Variants in MED12L observed in about 807,000 individuals in gnomAD.
The protein encoded by MED12L is mediator of RNA polymerase II transcription subunit 12-like protein.
MED12L carries 60 observed loss-of-function variants against 281.3 expected under a neutral mutation model. That is an observed-to-expected ratio of 0.21 (90% confidence interval 0.17 to 0.26). The LOEUF is 0.26. Among genes scored for constraint, MED12L ranks in the 10% least tolerant of loss-of-function variants. The pLI, the probability that MED12L is intolerant of heterozygous loss-of-function variation, is 1.00. For missense variants in MED12L, 2,146 were observed against 2,680.9 expected (o/e 0.80, Z 4.41); for synonymous variants, 974 against 987.2 (o/e 0.99, Z 0.25).
chr3:151,253,459 C>T (rs953581540), intron 16 of MED12L, among the ~76,000 whole-genome samples: 6 of 152,158 alleles, frequency 3.9e-5, no homozygotes, highest in African/African-American at 7.2e-5. Context: ...TTTGTTGGGC[C>T]GTTTCCTAAG....
At chr3:151,214,580 T>C (rs1173344467) in intron 16 of MED12L, among the ~76,000 whole-genome samples, 8 of 135,080 alleles carry the variant, frequency 5.9e-5, no homozygotes, top group African/African-American at 1.9e-4. Context: ...CCCCCACTCC[T>C]TTCTTCCTTC....
chr3:151,141,129 A>C (rs1358564809), intron 5 of MED12L, among the ~76,000 whole-genome samples: 2 of 146,774 alleles, frequency 1.4e-5, no homozygotes. Context: ...GGCCTCCCAC[A>C]GTGCTGGGAT....
At chr3:151,246,198 A>T (rs1316895720) in intron 16 of MED12L, among the ~76,000 whole-genome samples, 1 of 152,222 alleles carries the variant, frequency 6.6e-6, no homozygotes, top group African/African-American at 2.4e-5. Flanking sequence ...ATACTGCTCA[A>T]GGTAATTTAT....
At chr3:151,294,956 C>T (rs868831667) in intron 16 of MED12L, 4 of 1,613,960 alleles carry the variant, frequency 2.5e-6, no homozygotes, top group South Asian at 1.1e-5. Flanking sequence ...ATGGACTATT[C>T]GAAATGGAAA....
intron 2 of MED12L, among the ~76,000 whole-genome samples, chr3:151,100,762 A>G (rs1721290891): frequency 6.6e-6 from 1 of 152,142 alleles, no homozygotes; most frequent in Non-Finnish European, 1.5e-5. Flanking sequence ...CATTTCTACT[A>G]CTCACTTGAA....
At chr3:151,307,546 TGTGTG>T (rs1746856109) in intron 16 of MED12L, among the ~76,000 whole-genome samples, 1 of 39,708 alleles carries the variant, frequency 2.5e-5, no homozygotes, top group Non-Finnish European at 3.9e-5. Context: ...TGTGTGTGTG[TGTGTG>T]TGTGTGTGTG....
At chr3:151,358,898 C>G (rs1754270367) in intron 20 of MED12L, among the ~76,000 whole-genome samples, 1 of 152,106 alleles carries the variant, frequency 6.6e-6, no homozygotes, top group Non-Finnish European at 1.5e-5. Context: ...ACTTTAGTCA[C>G]AAAATAATTT....
intron 43 of MED12L, among the ~76,000 whole-genome samples, chr3:151,427,791 T>G (rs1329297413): frequency 6.6e-6 from 1 of 152,218 alleles, no homozygotes; most frequent in Admixed American, 6.5e-5. Context: ...ATAAGTTTTG[T>G]TGATCTATTG....
rs146811566 is a variant in MED12L, at chr3:151,213,409, C to G, written c.2250+19743C>G. The G allele has an allele frequency of 1.2e-4, 188 of 1,614,032 alleles. 1 individual carries two copies. The East Asian group carries it at 4.1e-3, about 35-fold the overall frequency. Reference sequence around the variant, plus strand: ...GTGCAATTTCTTACATAAGATTTCCCTAAACGGCTGGCATAGAAAGAAATA... The same window carrying G: ...GTGCAATTTCTTACATAAGATTTCCGTAAACGGCTGGCATAGAAAGAAATA... On this transcript the variant is annotated intron_variant, in intron 16 of 44. Transcript: ENST00000687756.
intron 16 of MED12L, among the ~76,000 whole-genome samples, chr3:151,220,768 G>A (rs1405207719): frequency 6.6e-6 from 1 of 152,176 alleles, no homozygotes; most frequent in African/African-American, 2.4e-5. Context: ...TTTGTAAACT[G>A]TCCTGTTTCT....
chr3:151,281,325 A>C (rs1742779530), intron 16 of MED12L, among the ~76,000 whole-genome samples: 1 of 150,902 alleles, frequency 6.6e-6, no homozygotes, highest in South Asian at 2.1e-4. Context: ...CAGGAGAATC[A>C]CTCGAACCCG....
intron 16 of MED12L, among the ~76,000 whole-genome samples, chr3:151,194,415 G>A (rs768314111): frequency 1.3e-5 from 2 of 152,140 alleles, no homozygotes; most frequent in Non-Finnish European, 2.9e-5. Flanking sequence ...GGAAAGACAG[G>A]AGACAAACAT....
At chr3:151,281,738 T>G (rs552709858) in intron 16 of MED12L, among the ~76,000 whole-genome samples, 2 of 152,308 alleles carry the variant, frequency 1.3e-5, no homozygotes, top group Admixed American at 6.5e-5. Flanking sequence ...AACCCTGATA[T>G]GACAACCACC....
rs1390638112 is a variant in MED12L at position 151,137,174 on chromosome 3, A to ACAAAAAAACAAAAAAAAAAG, written c.556+9190_556+9191insCAAAAAAACAAAAAAAAAAG. Among the ~76,000 whole-genome samples, 195 of 114,842 alleles carry ACAAAAAAACAAAAAAAAAAG rather than the reference A, an allele frequency of 1.7e-3. 1 individual carries two copies. Among genetic ancestry groups the ACAAAAAAACAAAAAAAAAAG allele is most frequent in the African/African-American group, 5.2e-3 (187 of 36,080 alleles). 75.3% of individuals were successfully genotyped at this position (114,842 alleles called of 152,430 possible). ...AGACTCCGTCTCAAAAAAAAAAAGA[A>ACAAAAAAACAAAAAAAAAAG]AAAAAAAAAAAAGAACGAAAAAAAG... On this transcript the variant is annotated intron_variant, in intron 5 of 44. Transcript: ENST00000687756.
intron 16 of MED12L, among the ~76,000 whole-genome samples, chr3:151,201,282 A>G (rs1449848210): frequency 6.6e-6 from 1 of 152,070 alleles, no homozygotes; most frequent in African/African-American, 2.4e-5. Flanking sequence ...AGGCCCATCC[A>G]ATAAGTTTAA....
intron 11 of MED12L, among the ~76,000 whole-genome samples, chr3:151,172,690 GT>G (rs1268949418): frequency 6.6e-6 from 1 of 152,238 alleles, no homozygotes; most frequent in South Asian, 2.1e-4. Context: ...AAAAAAGTCA[GT>G]TTCTAAAACC....
Position 151,122,942 on chromosome 3 carries a change from G to A in MED12L, c.364G>A (p.Gly122Arg), listed in dbSNP as rs1184996400. ...TCATAGTTGGTTTTCTGACTTAGCA[G>A]GAAATAAGCCACTTTCTATTTTGGC... ...AIHSWFSDLA[G>R]NKPLSILAKK... Residue 122 changes from glycine to arginine, a missense_variant, in exon 4 of 45, where the codon GGA becomes AGA. Gly to Arg is a moderately radical substitution (Grantham distance 125). This residue lies in a region of MED12L where 722 missense variants were observed against 861.2 expected (regional missense o/e 0.84). Coordinates refer to ENST00000687756, the MANE Select transcript of MED12L (RefSeq NM_001393769.1). 6.2e-7 allele frequency: 1 copy of A among 1,607,814 alleles called. No homozygotes were observed. The highest frequency in any genetic ancestry group is 8.5e-7 in the Non-Finnish European group (1 of 1,177,660).
intron 43 of MED12L, among the ~76,000 whole-genome samples, chr3:151,423,175 A>G: frequency 6.6e-6 from 1 of 151,470 alleles, no homozygotes; most frequent in South Asian, 2.1e-4. Flanking sequence ...GCCTGCCACC[A>G]TGCCCAGCTA....
At chr3:151,233,190 G>A (rs1732045325) in intron 16 of MED12L, among the ~76,000 whole-genome samples, 3 of 152,070 alleles carry the variant, frequency 2.0e-5, no homozygotes, top group East Asian at 1.9e-4. Context: ...TGACGAGCCC[G>A]GCTGCCTCAC....
Sources: allele counts gnomAD v4.1 joint callset (sites outside exome capture counted in the v4.1 genomes callset), GRCh38; gene constraint gnomAD v4.1.1; regional missense constraint gnomAD v4.1.1; transcripts MANE v1.5; gene names NCBI Gene and HGNC (gene_info 2026-07-23, HGNC 2026-07-21).